Variants in MYOM2 observed in about 807,000 individuals in gnomAD.
MYOM2 encodes the protein myomesin-2.
MYOM2 carries 254 observed loss-of-function variants against 187.6 expected under a neutral mutation model. That is an observed-to-expected ratio of 1.35 (90% CI 1.22 to 1.50). The LOEUF is 1.50. MYOM2 is among the 40% of genes most tolerant of loss of function. The probability of loss-of-function intolerance (pLI) is 0.00; values close to 1 mark genes in which losing one functional copy is unlikely to be tolerated. For missense variants in MYOM2, 2,796 were observed against 1,924.0 expected (o/e 1.45, Z -8.48); for synonymous variants, 981 against 753.8 (o/e 1.30, Z -4.94).
chr8:2,046,695 A>G (rs1002038711), intron 1 of MYOM2, among the ~76,000 whole-genome samples: 2 of 151,372 alleles, frequency 1.3e-5, no homozygotes, highest in South Asian at 2.1e-4. Context: ...AGGGACTCAC[A>G]TCAAAAACTA....
At chr8:2,072,303 C>G (rs2129334419) in intron 8 of MYOM2, 42 bp from the exon 9 acceptor site, 1 of 1,576,880 alleles carries the variant, frequency 6.3e-7, no homozygotes, top group African/African-American at 1.6e-5. Flanking sequence ...GTTTCATGCT[C>G]TCTGCCCTTC....
At chr8:2,085,027 A>C in intron 13 of MYOM2, 1 of 479,992 alleles carries the variant, frequency 2.1e-6, no homozygotes, top group Non-Finnish European at 3.7e-6. Flanking sequence ...TTCGGGTGAG[A>C]TTCCTTTCCT....
At chr8:2,055,039 CAAGTACCTGGATACTGGGGGAACG>C (rs1563414878) in intron 3 of MYOM2, among the ~76,000 whole-genome samples, 33 of 44,382 alleles carry the variant, frequency 7.4e-4, no homozygotes, top group East Asian at 2.7e-3. Context: ...ACTGGGGAAC[CAAGTACCTGGATACTGGGGGAACG>C]AAGTACCTGG....
In MYOM2 at chr8:2,092,536, C is replaced by A. The variant is rs1388237215; in HGVS notation, c.2003+16C>A. The A allele has an allele frequency of 6.2e-7, 1 of 1,612,620 alleles. No homozygotes were observed. The highest frequency in any genetic ancestry group is 1.1e-5 in the South Asian group (1 of 90,900). On this transcript the variant is annotated intron_variant, in intron 16 of 36. Coordinates refer to ENST00000262113, the MANE Select transcript of MYOM2 (RefSeq NM_003970.4). Reference sequence around the variant, plus strand: ...GATACAACAGGTGCGGCCTCCCTCCCCAGCCCTGGAGTCAGCCTTGCAGGA... The same window carrying A: ...GATACAACAGGTGCGGCCTCCCTCCACAGCCCTGGAGTCAGCCTTGCAGGA...
chr8:2,144,601 A>G (rs183421439), intron 36 of MYOM2, 63 bp from the exon 37 acceptor site: 2 of 1,540,026 alleles, frequency 1.3e-6, no homozygotes, highest in African/African-American at 2.8e-5. Context: ...CCACCGTCCG[A>G]GGGGGTGACA....
chr8:2,130,226 G>C (rs150000425), intron 32 of MYOM2, among the ~76,000 whole-genome samples: 11,875 of 60,138 alleles, frequency 0.2, 1,707 homozygotes, highest in African/African-American at 0.38. Flanking sequence ...CGTCAGTACC[G>C]TATACCCAGG....
At chr8:2,053,637 T>G (rs4876236) in intron 3 of MYOM2, among the ~76,000 whole-genome samples, 130,452 of 152,260 alleles carry the variant, frequency 0.86, 56,053 homozygotes, top group East Asian at 0.97. Context: ...AACACATTGG[T>G]CTATGCTCTT....
At chr8:2,127,592 G>GGTGACGCA (rs1797695180) in intron 31 of MYOM2, 1 of 164,274 alleles carries the variant, frequency 6.1e-6, no homozygotes, top group African/African-American at 2.4e-5. Flanking sequence ...GGCGTGACGC[G>GGTGACGCA]GTGACGCAGC....
intron 5 of MYOM2, among the ~76,000 whole-genome samples, chr8:2,058,400 T>A (rs951245219): frequency 6.6e-6 from 1 of 152,174 alleles, no homozygotes; most frequent in African/African-American, 2.4e-5. Flanking sequence ...GATTGCTGAC[T>A]GTACACAAAA....
intron 8 of MYOM2, among the ~76,000 whole-genome samples, chr8:2,071,779 A>T (rs553108563): frequency 6.6e-6 from 1 of 152,118 alleles, no homozygotes; most frequent in Non-Finnish European, 1.5e-5. Context: ...GAAGCCTGAC[A>T]CTCAGCAGGC....
chr8:2,101,666 A>G (rs1180333113), intron 20 of MYOM2, among the ~76,000 whole-genome samples: 1 of 152,114 alleles, frequency 6.6e-6, no homozygotes, highest in African/African-American at 2.4e-5. Flanking sequence ...TTGCAGTCTA[A>G]TAGCTGTTAA....
intron 14 of MYOM2, among the ~76,000 whole-genome samples, chr8:2,089,748 A>G (rs763804523): frequency 3.3e-5 from 5 of 152,150 alleles, no homozygotes; most frequent in Admixed American, 6.5e-5. Flanking sequence ...TATGTTTTCT[A>G]TGGTTTAATT....
chr8:2,095,686 A>C (rs896439577), intron 17 of MYOM2, among the ~76,000 whole-genome samples: 15 of 152,202 alleles, frequency 9.9e-5, no homozygotes, highest in African/African-American at 3.6e-4. Flanking sequence ...AGCTGGGGCA[A>C]GCAGACTCAG....
At chr8:2,132,201 G>C (rs1797898379) in intron 32 of MYOM2, among the ~76,000 whole-genome samples, 1 of 152,196 alleles carries the variant, frequency 6.6e-6, no homozygotes, top group African/African-American at 2.4e-5. Context: ...AAGCCAGGGA[G>C]TGGAGCTGCC....
chr8:2,061,438 C>T (rs889044486), intron 6 of MYOM2, among the ~76,000 whole-genome samples: 1 of 152,184 alleles, frequency 6.6e-6, no homozygotes, highest in East Asian at 1.9e-4. Flanking sequence ...GTGCCCTCCC[C>T]CAGCATCCTT....
intron 12 of MYOM2, 96 bp from the exon 13 acceptor site, chr8:2,079,464 T>A (rs1254611190): frequency 7.6e-6 from 9 of 1,190,864 alleles, no homozygotes; most frequent in Non-Finnish European, 1.1e-5. Flanking sequence ...GTAGTCCTAA[T>A]GCAGAGGAGA....
intron 17 of MYOM2, among the ~76,000 whole-genome samples, chr8:2,095,688 C>G (rs148632564): frequency 1.3e-5 from 2 of 152,292 alleles, no homozygotes; most frequent in South Asian, 2.1e-4. Flanking sequence ...CTGGGGCAAG[C>G]AGACTCAGGC....
At chr8:2,131,021 C>T (rs1563077516) in intron 32 of MYOM2, among the ~76,000 whole-genome samples, 1 of 152,190 alleles carries the variant, frequency 6.6e-6, no homozygotes, top group Non-Finnish European at 1.5e-5. Flanking sequence ...ACACGTTCAT[C>T]TTCTGGGAAA....
intron 19 of MYOM2, among the ~76,000 whole-genome samples, chr8:2,099,897 A>G (rs933608227): frequency 2.0e-5 from 3 of 152,244 alleles, no homozygotes; most frequent in Non-Finnish European, 2.9e-5. Context: ...TGGCCAGAGT[A>G]TACTGCCTTT....
Sources: gnomAD v4.1 joint callset for allele counts (sites outside exome capture counted in the v4.1 genomes callset) on GRCh38, gnomAD v4.1.1 for gene constraint, MANE v1.5 for transcripts, NCBI Gene and HGNC (gene_info 2026-07-23, HGNC 2026-07-21) for gene names.